Variants in LAMB3 observed in about 807,000 individuals in gnomAD.
The protein encoded by LAMB3 is laminin subunit beta 3, also known as laminin subunit beta-3.
In LAMB3, 104 loss-of-function variants were observed where a neutral mutation model predicts 140.3. That is an observed-to-expected ratio of 0.74 (90% CI 0.63 to 0.87). The LOEUF is 0.87. LAMB3 is among the 40% of genes least tolerant of loss of function. The probability of loss-of-function intolerance (pLI) is 0.00; values close to 1 mark genes in which losing one functional copy is unlikely to be tolerated. For missense variants in LAMB3, 1,531 were observed against 1,575.2 expected (o/e 0.97, Z 0.47); for synonymous variants, 592 against 602.9 (o/e 0.98, Z 0.26).
chr1:209,649,177 G>A (rs1399061267), intron 3 of LAMB3, among the ~76,000 whole-genome samples: 1 of 152,162 alleles, frequency 6.6e-6, no homozygotes. Flanking sequence ...AGCCTGGAAA[G>A]GGGACAGATA....
intron 14 of LAMB3, among the ~76,000 whole-genome samples, chr1:209,624,667 T>C (rs1666350231): frequency 6.6e-6 from 1 of 152,200 alleles, no homozygotes; most frequent in Admixed American, 6.5e-5. Flanking sequence ...TGCCCGAATC[T>C]GAGACTTAGG....
rs547000643 is a variant in LAMB3 at position 209,648,210 on chromosome 1, C to T, written c.183+1754G>A. The stretch of plus-strand genomic sequence containing the variant: ...GGGAGAGATGCTGATTGTCAGCAGT[C>T]GGCTCATTGCCAAAGAATGTTAGGG... On this transcript the variant is annotated intron_variant, in intron 3 of 22. Coordinates refer to ENST00000356082, the MANE Select transcript of LAMB3 (RefSeq NM_000228.3). 2.0e-4 allele frequency among the ~76,000 whole-genome samples: 30 copies of T among 152,220 alleles called. No individual in the cohort carries two copies. In the South Asian group the frequency reaches 2.9e-3, roughly 15 times the overall value.
At chr1:209,620,025 C>T (rs1666130251) in intron 18 of LAMB3, among the ~76,000 whole-genome samples, 1 of 152,236 alleles carries the variant, frequency 6.6e-6, no homozygotes, top group African/African-American at 2.4e-5. Flanking sequence ...AACAAGGCTT[C>T]ATGTGCACCT....
rs201925376 is a variant in LAMB3, at chr1:209,622,516, G to C, written c.2701+20C>G. 1.2e-6 allele frequency: 2 copies of C among 1,613,156 alleles called. No individual in the cohort carries two copies. The highest frequency in any genetic ancestry group is 1.7e-6 in the Non-Finnish European group (2 of 1,179,816). Reference sequence around the variant, plus strand: ...GCAGGACTGGAACAGCAGCCAAGGTGGGGTGGAGACTGGGCTCACCTGTTA... The same window carrying C: ...GCAGGACTGGAACAGCAGCCAAGGTCGGGTGGAGACTGGGCTCACCTGTTA... On this transcript the variant is annotated intron_variant, in intron 18 of 22. Transcript: ENST00000356082.
At chr1:209,643,992 A>AAAGAAAGCAAGAGAC (rs1404466865) in intron 3 of LAMB3, among the ~76,000 whole-genome samples, 1 of 152,224 alleles carries the variant, frequency 6.6e-6, no homozygotes, top group Non-Finnish European at 1.5e-5. Context: ...GCAAGTAGAC[A>AAAGAAAGCAAGAGAC]AAGAAAGCAA....
rs567710052 is a variant in LAMB3, at chr1:209,615,939, C to A, written c.3382+532G>T. 9.2e-5 allele frequency among the ~76,000 whole-genome samples: 14 copies of A among 152,260 alleles called. No homozygotes were observed. The South Asian group carries it at 2.9e-3, about 32-fold the overall frequency. On this transcript the variant is annotated intron_variant, in intron 22 of 22. Coordinates refer to ENST00000356082, the MANE Select transcript of LAMB3 (RefSeq NM_000228.3). Reference sequence around the variant, plus strand: ...CACTTCTTTCCTACCAGCTCCTCAGCAACCCTCTTCTCCTGTCCCTATGTC... The same window carrying A: ...CACTTCTTTCCTACCAGCTCCTCAGAAACCCTCTTCTCCTGTCCCTATGTC...
Position 209,623,494 on chromosome 1 carries a change from C to T in LAMB3, c.2358+11G>A. ...GGGCTCCAGGAAGTGGGACTCCATG[C>T]CCCAAGTCACCTTGTTGAAGGTGGG... On this transcript the variant is annotated intron_variant, in intron 16 of 22. Transcript: ENST00000356082. The surrounding 1 kb of genome is among the most constrained non-coding windows in gnomAD (Gnocchi z 4.2). The T allele has an allele frequency of 1.2e-6, 2 of 1,612,054 alleles. No individual in the cohort carries two copies. Among genetic ancestry groups the T allele is most frequent in the Non-Finnish European group, 1.7e-6 (2 of 1,178,130 alleles).
intron 3 of LAMB3, among the ~76,000 whole-genome samples, chr1:209,641,932 G>A (rs2076472397): frequency 6.6e-6 from 1 of 152,154 alleles, no homozygotes; most frequent in South Asian, 2.1e-4. Flanking sequence ...GTCCTGAGGA[G>A]AGACAAGGGC....
In LAMB3 at chr1:209,623,025, T is replaced by C; in HGVS notation, c.2513A>G (p.Gln838Arg). ...GAGCTGGGCATTGAAGCCCCGCAGC[T>C]GCTCAGCCACCTGCCCCGCCATCAA... ...AFLMAGQVAE[Q>R]LRGFNAQLQR... is the part of the protein sequence containing the mutation. Residue 838 changes from glutamine (Q) to arginine (R), a missense_variant, in exon 17 of 23, where the codon CAG (glutamine) becomes CGG (arginine). Physicochemically the swap from Gln to Arg is conservative, Grantham distance 43. Transcript: ENST00000356082. This position sits in a 1 kb window ranked among gnomAD's most constrained non-coding sequence, Gnocchi z 4.2. 1.2e-6 allele frequency: 2 copies of C among 1,613,924 alleles called. No individual in the cohort carries two copies. The highest frequency in any genetic ancestry group is 1.7e-6 in the Non-Finnish European group (2 of 1,180,012).
Position 209,638,641 on chromosome 1 carries a change from A to T in LAMB3, c.191T>A (p.Met64Lys), listed in dbSNP as rs201830202. ...CCTGGAGTCACACTTGCAGCATTTCATCTGCCACTGTGGGAGAGGGAGATA... is the reference window on the plus strand; with the variant it reads ...CCTGGAGTCACACTTGCAGCATTTCTTCTGCCACTGTGGGAGAGGGAGATA... ...TYCTQYGEWQ[M>K]KCCKCDSRQP... Residue 64 changes from methionine to lysine, a missense_variant, in exon 4 of 23, where the codon ATG (methionine) becomes AAG (lysine). By Grantham distance (95) the Met-to-Lys change is moderately conservative (BLOSUM62 -1). Coordinates refer to ENST00000356082, the MANE Select transcript of LAMB3 (RefSeq NM_000228.3). 6.2e-7 allele frequency: 1 copy of T among 1,606,984 alleles called. No individual in the cohort carries two copies. Among genetic ancestry groups the T allele is most frequent in the East Asian group, 2.2e-5 (1 of 44,842 alleles).
At position 209,629,799 on chromosome 1, in the gene LAMB3, C is replaced by A. The variant is rs149360787; in HGVS notation, c.1070G>T (p.Arg357Leu). The A allele has an allele frequency of 6.2e-7, 1 of 1,614,194 alleles. No homozygotes were observed. Among genetic ancestry groups the A allele is most frequent in the Non-Finnish European group, 8.5e-7 (1 of 1,180,032 alleles). ...GTTCCGGAAATAGTGCAGCTGACAC[C>A]GCTCACAGTTCTTGCCTTCGGTGTG... ...RDHTEGKNCE[R>L]CQLHYFRNRR... is the part of the protein sequence containing the mutation. The change falls in exon 10 of 23, where the codon CGG becomes CTG. Residue 357 changes from arginine to leucine, a missense_variant. By Grantham distance (102) the Arg-to-Leu change is moderately radical (BLOSUM62 -2). Coordinates refer to ENST00000356082, the MANE Select transcript of LAMB3 (RefSeq NM_000228.3).
chr1:209,638,397 G>A, intron 4 of LAMB3, 137 bp downstream of exon 4: 1 of 710,474 alleles, frequency 1.4e-6, no homozygotes, highest in East Asian at 2.7e-5. Flanking sequence ...GAGGCAGAAA[G>A]ATTCTTCTTA....
chr1:209,630,468 G>A (rs1278755542), intron 9 of LAMB3, 147 bp downstream of exon 9: 10 of 928,010 alleles, frequency 1.1e-5, no homozygotes, highest in Admixed American at 2.1e-5. Flanking sequence ...ACAGAGCCAG[G>A]AGAGCTTGAA....
chr1:209,616,498 T>C lies in LAMB3; in HGVS notation c.3355A>G (p.Thr1119Ala), dbSNP rs768800208. The C allele has an allele frequency of 1.2e-6, 2 of 1,614,070 alleles. No homozygotes were observed. Among genetic ancestry groups the C allele is most frequent in the Non-Finnish European group, 1.7e-6 (2 of 1,180,008 alleles). The change falls in exon 22 of 23, where the codon ACC becomes GCC. Residue 1119 changes from threonine (T) to alanine (A), a missense_variant. Transcript: ENST00000356082. The stretch of plus-strand genomic sequence containing the variant: ...TTCATCCTGTCCATCATCTCCATGG[T>C]CTCCCCAAACAGCTCCTCTGCCTCT... ...KTEAEELFGE[T>A]MEMMDRMKDM...
chr1:209,634,748 T>G (rs1666834655), intron 5 of LAMB3, 110 bp from the exon 6 acceptor site: 1 of 842,538 alleles, frequency 1.2e-6, no homozygotes, highest in African/African-American at 1.7e-5. Flanking sequence ...GGGGGCCCAG[T>G]GGGAGCAAGT....
intron 3 of LAMB3, among the ~76,000 whole-genome samples, chr1:209,642,255 A>G (rs2102452979): frequency 6.6e-6 from 1 of 152,138 alleles, no homozygotes; most frequent in African/African-American, 2.4e-5. Context: ...GTGTGTGAAT[A>G]TATATATATG....
Position 209,623,784 on chromosome 1 carries a change from C to T in LAMB3, c.2137+56G>A, listed in dbSNP as rs568351873. On this transcript the variant is annotated intron_variant, in intron 15 of 22. Transcript: ENST00000356082. This position sits in a 1 kb window ranked among gnomAD's most constrained non-coding sequence, Gnocchi z 4.2. Reference sequence around the variant, plus strand: ...GAGGAGCAGGAGGGAGAGGGGGTGGCATGCCCACCACGGCAGTGCCCATGC... The same window carrying T: ...GAGGAGCAGGAGGGAGAGGGGGTGGTATGCCCACCACGGCAGTGCCCATGC... 35 of 1,613,110 alleles carry T rather than the reference C, an allele frequency of 2.2e-5. No homozygotes were observed. In the East Asian group the frequency reaches 6.5e-4, roughly 30 times the overall value.
In LAMB3 at chr1:209,623,779, G is replaced by T; in HGVS notation, c.2138-54C>A. The T allele has an allele frequency of 1.2e-6, 2 of 1,613,258 alleles. No individual in the cohort carries two copies. The highest frequency in any genetic ancestry group is 1.7e-6 in the Non-Finnish European group (2 of 1,179,360). Reference sequence around the variant, plus strand: ...TGGAGGAGGAGCAGGAGGGAGAGGGGGTGGCATGCCCACCACGGCAGTGCC... The same window carrying T: ...TGGAGGAGGAGCAGGAGGGAGAGGGTGTGGCATGCCCACCACGGCAGTGCC... On this transcript the variant is annotated intron_variant, in intron 15 of 22. Transcript: ENST00000356082. The surrounding 1 kb of genome is among the most constrained non-coding windows in gnomAD (Gnocchi z 4.2).
chr1:209,622,244 G>A (rs1350593768), intron 18 of LAMB3, among the ~76,000 whole-genome samples: 1 of 152,238 alleles, frequency 6.6e-6, no homozygotes, highest in Non-Finnish European at 1.5e-5. Context: ...AGAACAAGGT[G>A]AAGCCACTGA....
Sources: gnomAD v4.1 joint callset for allele counts (sites outside exome capture counted in the v4.1 genomes callset) on GRCh38, gnomAD v4.1.1 for gene constraint, Gnocchi (gnomAD v3.1) non-coding constraint, MANE v1.5 for transcripts, NCBI Gene and HGNC (gene_info 2026-07-23, HGNC 2026-07-21) for gene names.